Variants in KANK1 observed in about 807,000 individuals in gnomAD.
KANK1 encodes the protein KN motif and ankyrin repeat domains 1.
Under a neutral mutation model 106.2 loss-of-function variants are expected in KANK1, and 109 were observed. The ratio of observed to expected loss-of-function variants is 1.03; its 90% confidence interval spans 0.88 to 1.20. The LOEUF is 1.20. Ranked by LOEUF, KANK1 falls within the 50% of genes most tolerant of loss-of-function variation. KANK1 has a pLI of 0.00. For missense variants in KANK1, 2,399 were observed against 1,710.7 expected (o/e 1.40, Z -7.10); for synonymous variants, 873 against 652.2 (o/e 1.34, Z -5.16).
chr9:498,305 C>T (rs2058489307), intron 3 of KANK1, among the ~76,000 whole-genome samples: 1 of 152,126 alleles, frequency 6.6e-6, no homozygotes, highest in South Asian at 2.1e-4. Flanking sequence ...AAACTCGGAA[C>T]CAGGGCAGAT....
intron 1 of KANK1, among the ~76,000 whole-genome samples, chr9:613,046 T>C (rs750571070): frequency 3.9e-5 from 6 of 151,958 alleles, no homozygotes; most frequent in Non-Finnish European, 8.8e-5. Flanking sequence ...TGGGTGAAGA[T>C]ATTGGGACAG....
In KANK1 at chr9:713,316, A is replaced by G; in HGVS notation, c.2550A>G (p.Glu850=). The G allele has an allele frequency of 6.2e-7, 1 of 1,614,196 alleles. No individual in the cohort carries two copies. ...LLAENYSELA[E]AFGEPHSQMG... is the part of the protein sequence containing the mutation. Reference sequence around the variant, plus strand: ...CTGAGAACTACAGTGAACTGGCAGAAGCTTTCGGGGAACCTCACTCACAGA... The same window carrying G: ...CTGAGAACTACAGTGAACTGGCAGAGGCTTTCGGGGAACCTCACTCACAGA... Residue 850 remains glutamate, a synonymous_variant, in exon 3 of 12, where the codon GAA becomes GAG. Transcript: ENST00000382297.
intron 9 of KANK1, among the ~76,000 whole-genome samples, chr9:741,669 A>C (rs531567345): frequency 6.6e-6 from 1 of 151,818 alleles, no homozygotes; most frequent in East Asian, 1.9e-4. Context: ...TTGTATTTTT[A>C]GTAGAGACAA....
intron 2 of KANK1, among the ~76,000 whole-genome samples, chr9:682,169 A>T (rs1335086312): frequency 6.6e-6 from 1 of 151,564 alleles, no homozygotes; most frequent in African/African-American, 2.4e-5. Context: ...AATTCCAGCT[A>T]CTCGGGAGGC....
chr9:630,491 C>A (rs1054287337), intron 1 of KANK1, among the ~76,000 whole-genome samples: 1 of 151,596 alleles, frequency 6.6e-6, no homozygotes, highest in Admixed American at 6.6e-5. Flanking sequence ...GCGGAGCTTG[C>A]AGTGAGCTGA....
At chr9:601,347 C>G (rs1440310725) in intron 1 of KANK1, among the ~76,000 whole-genome samples, 1 of 151,850 alleles carries the variant, frequency 6.6e-6, no homozygotes, top group Non-Finnish European at 1.5e-5. Context: ...GTTCCATGAT[C>G]CAATCCAAGA....
intron 1 of KANK1, among the ~76,000 whole-genome samples, chr9:553,030 C>A (rs780879879): frequency 9.2e-5 from 14 of 152,124 alleles, no homozygotes; most frequent in Non-Finnish European, 1.5e-4. Flanking sequence ...CCTGTAATCC[C>A]AGCTACTTGG....
At chr9:734,894 T>C in intron 7 of KANK1, 59 bp downstream of exon 7, 2 of 1,251,522 alleles carry the variant, frequency 1.6e-6, no homozygotes, top group East Asian at 2.3e-5. Context: ...GTGGGTTCAT[T>C]GTCAAGGCCA....
rs764624056 is a variant in KANK1, at chr9:713,121, G to A, written c.2355G>A (p.Gln785=). The part of the protein sequence containing the change: ...KMRTIACGPP[Q]LTVGLTASRR... Reference sequence around the variant, plus strand: ...GGACTATAGCTTGTGGGCCACCACAGTTGACTGTGGGGCTGACAGCCAGCA... The same window carrying A: ...GGACTATAGCTTGTGGGCCACCACAATTGACTGTGGGGCTGACAGCCAGCA... Residue 785 remains glutamine (Q), a synonymous_variant, in exon 3 of 12, where the codon CAG becomes CAA. Transcript: ENST00000382297. The A allele has an allele frequency of 1.2e-6, 2 of 1,603,598 alleles. No homozygotes were observed. The highest frequency in any genetic ancestry group is 1.3e-5 in the African/African-American group (1 of 74,754).
rs1450500962 is a variant in KANK1, at chr9:676,911, G to C, written c.-62G>C. On this transcript the variant is annotated 5_prime_UTR_variant, in exon 2 of 12. An upstream open reading frame in the 5' UTR loses its in-frame stop. Coordinates refer to ENST00000382297, the MANE Select transcript of KANK1 (RefSeq NM_015158.5). ...TCAGGTTGAATGCCTTTGAGAACTT[G>C]ATGCATAAAATTTGCATGACTCCTC... The C allele has an allele frequency of 7.4e-7, 1 of 1,354,228 alleles. No individual in the cohort carries two copies. Among genetic ancestry groups the C allele is most frequent in the African/African-American group, 1.5e-5 (1 of 68,298 alleles). The allele number at this position is 1,354,228 out of a possible 1,614,324, so 83.9% of individuals were successfully genotyped here. A position where few individuals can be genotyped will look rare whatever the true frequency, so the allele number is the denominator to read the frequency against.
At chr9:728,396 C>T (rs930122195) in intron 3 of KANK1, among the ~76,000 whole-genome samples, 4 of 152,198 alleles carry the variant, frequency 2.6e-5, no homozygotes, top group African/African-American at 9.7e-5. Context: ...CGGGGTTTCA[C>T]CGTGTTGACC....
chr9:571,794 A>G (rs1404904722), intron 1 of KANK1, among the ~76,000 whole-genome samples: 2 of 152,224 alleles, frequency 1.3e-5, no homozygotes, highest in African/African-American at 2.4e-5. Flanking sequence ...TAAAGAATTC[A>G]TTTTGTTTAA....
Position 713,323 on chromosome 9 carries a change from G to A in KANK1, c.2557G>A (p.Gly853Arg), listed in dbSNP as rs376679810. Residue 853 changes from glycine (G) to arginine (R), a missense_variant, in exon 3 of 12, where the codon GGG (glycine) becomes AGG (arginine). Gly to Arg is a moderately radical substitution (Grantham distance 125, BLOSUM62 -2). Transcript: ENST00000382297. ...ENYSELAEAF[G>R]EPHSQMGSLN... The stretch of plus-strand genomic sequence containing the variant: ...CTACAGTGAACTGGCAGAAGCTTTC[G>A]GGGAACCTCACTCACAGATGGGCTC... The A allele has an allele frequency of 2.5e-5, 40 of 1,614,012 alleles. No individual in the cohort carries two copies. The African/African-American group carries it at 2.8e-4, about 11-fold the overall frequency.
rs776889206 is a variant in KANK1 at position 676,979 on chromosome 9, C to G, written c.7C>G (p.His3Asp). Residue 3 changes from histidine to aspartate, a missense_variant, in exon 2 of 12, where the codon CAC (histidine) becomes GAC (aspartate). His to Asp is a moderately conservative substitution (Grantham distance 81). Coordinates refer to ENST00000382297, the MANE Select transcript of KANK1 (RefSeq NM_015158.5). The part of the protein sequence containing the change: MA[H>D]TTKVNGSASG... ...TCATTGGACTCAAGCCAGCATGGCT[C>G]ACACCACAAAGGTTAACGGCAGTGC... is the stretch of plus-strand genomic sequence containing the variant. 1 of 1,613,798 alleles carries G rather than the reference C, an allele frequency of 6.2e-7. No homozygotes were observed. The highest frequency in any genetic ancestry group is 8.5e-7 in the Non-Finnish European group (1 of 1,179,804).
Position 740,863 on chromosome 9 carries a change from G to A in KANK1, c.3625G>A (p.Glu1209Lys), listed in dbSNP as rs1398815688. 3 of 1,614,042 alleles carry A rather than the reference G, an allele frequency of 1.9e-6. No individual in the cohort carries two copies. The highest frequency in any genetic ancestry group is 2.7e-5 in the African/African-American group (2 of 74,922). The change falls in exon 9 of 12, where the codon GAA (glutamate) becomes AAA (lysine). Residue 1209 changes from glutamate to lysine, a missense_variant. Physicochemically the swap from Glu to Lys is moderately conservative, Grantham distance 56 (BLOSUM62 1). Coordinates refer to ENST00000382297, the MANE Select transcript of KANK1 (RefSeq NM_015158.5). ...CATGTTGGCGGCCCTCGCCGCTGTGGAAGCAGAGAAGGACATGCGGATTGT... is the reference window on the plus strand; with the variant it reads ...CATGTTGGCGGCCCTCGCCGCTGTGAAAGCAGAGAAGGACATGCGGATTGT... ...PIMLAALAAV[E>K]AEKDMRIVEE...
At chr9:600,379 A>G (rs1827438908) in intron 1 of KANK1, among the ~76,000 whole-genome samples, 1 of 151,784 alleles carries the variant, frequency 6.6e-6, no homozygotes, top group Non-Finnish European at 1.5e-5. Context: ...ATTCCTTTCT[A>G]AGGCTGAATA....
intron 1 of KANK1, among the ~76,000 whole-genome samples, chr9:622,994 C>T (rs1031137136): frequency 3.3e-5 from 5 of 152,132 alleles, no homozygotes; most frequent in Non-Finnish European, 5.9e-5. Context: ...TGACATTGGC[C>T]TTGGCAATGA....
intron 1 of KANK1, among the ~76,000 whole-genome samples, chr9:532,345 G>A (rs1462777348): frequency 7.4e-6 from 1 of 135,592 alleles, no homozygotes; most frequent in African/African-American, 2.8e-5. Context: ...TGGTTCAAGC[G>A]ATTCTCCTGC....
Position 731,258 on chromosome 9 carries a change from T to G in KANK1, c.2997T>G (p.Ile999Met). Residue 999 changes from isoleucine to methionine, a missense_variant, in exon 5 of 12, where the codon ATT (isoleucine) becomes ATG (methionine). By Grantham distance (10) the Ile-to-Met change is conservative (BLOSUM62 1). Coordinates refer to ENST00000382297, the MANE Select transcript of KANK1 (RefSeq NM_015158.5). ...AAAAGAATCTTCAGTTTGTTGGCAT[T>G]AATGGAGGGTAAGGAAAGATGGTGG... ...GAKKNLQFVG[I>M]NGGYETTSSD... 1 of 1,580,650 alleles carries G rather than the reference T, an allele frequency of 6.3e-7. No homozygotes were observed. The highest frequency in any genetic ancestry group is 8.7e-7 in the Non-Finnish European group (1 of 1,150,428).
Sources: gnomAD v4.1 joint callset for allele counts (sites outside exome capture counted in the v4.1 genomes callset) on GRCh38, gnomAD v4.1.1 for gene constraint, MANE v1.5 for transcripts, NCBI Gene and HGNC (gene_info 2026-07-23, HGNC 2026-07-21) for gene names.